GARIN2: variants seen among roughly 807,000 people sequenced by gnomAD.
GARIN2 encodes the protein golgi associated RAB2 interactor family member 2.
At chr14:67,226,081 G>C in the GARIN2 span, among the ~76,000 whole-genome samples, 255 of 152,322 alleles carry the variant, frequency 1.7e-3, 2 homozygotes, top group Non-Finnish European at 2.7e-3. Flanking sequence ...CATCTTGGCA[G>C]GGCCTTGCTG....
chr14:67,221,382 T>C, the GARIN2 span, among the ~76,000 whole-genome samples: 22,558 of 152,112 alleles, frequency 0.15, 3,136 homozygotes, highest in East Asian at 0.42. Flanking sequence ...AAACCCTATA[T>C]TCCCAACATA....
chr14:67,208,905 A>G, the GARIN2 span, among the ~76,000 whole-genome samples: 1 of 151,940 alleles, frequency 6.6e-6, no homozygotes, highest in Non-Finnish European at 1.5e-5. Context: ...TCAAAAAAAA[A>G]AAAAGAAAAG....
the GARIN2 span, among the ~76,000 whole-genome samples, chr14:67,218,807 C>T: frequency 1.8e-4 from 28 of 152,098 alleles, no homozygotes; most frequent in Middle Eastern, 3.4e-3. Context: ...GTGTATGCAG[C>T]AGTTTGGCTG....
chr14:67,200,446 C>T, the GARIN2 span: 1 of 447,492 alleles, frequency 2.2e-6, no homozygotes, highest in Non-Finnish European at 4.0e-6. Context: ...ACCCCCACCC[C>T]ATTCCCCTTT....
At chr14:67,194,526 G>A in the GARIN2 span, among the ~76,000 whole-genome samples, 2 of 151,810 alleles carry the variant, frequency 1.3e-5, no homozygotes, top group Non-Finnish European at 1.5e-5. Flanking sequence ...TTTCCCCCAA[G>A]ACAGAGTTTT....
chr14:67,200,017 G>T, the GARIN2 span: 1 of 964,998 alleles, frequency 1.0e-6, no homozygotes. Context: ...TCATGGTTTA[G>T]GACATCCCCA....
the GARIN2 span, among the ~76,000 whole-genome samples, chr14:67,196,591 A>G: frequency 1.3e-5 from 2 of 152,206 alleles, no homozygotes; most frequent in African/African-American, 4.8e-5. Context: ...AGCACACTTT[A>G]AACAGCAATT....
chr14:67,203,423 C>CA, the GARIN2 span: 1 of 685,084 alleles, frequency 1.5e-6, no homozygotes, highest in South Asian at 2.6e-5. Flanking sequence ...CTGCAAATGA[C>CA]AAAGAGGAGC....
chr14:67,225,685 G>A, the GARIN2 span, among the ~76,000 whole-genome samples: 3 of 152,120 alleles, frequency 2.0e-5, no homozygotes, highest in Non-Finnish European at 4.4e-5. Flanking sequence ...CAGTTATGTA[G>A]CTTGTACACA....
At chr14:67,224,952 A>C in the GARIN2 span, 1 of 587,150 alleles carries the variant, frequency 1.7e-6, no homozygotes. Context: ...GAATAAATAC[A>C]TTTTTGATGA....
At chr14:67,225,926 A>AGTGTGTGTGTGTGTGTGTGTGTGTGTGT in the GARIN2 span, among the ~76,000 whole-genome samples, 1 of 136,630 alleles carries the variant, frequency 7.3e-6, no homozygotes, top group Non-Finnish European at 1.6e-5. Context: ...TAATGCTGTG[A>AGTGTGTGTGTGTGTGTGTGTGTGTGTGT]GTGTGTGTGT....
At chr14:67,215,388 C>G in the GARIN2 span, among the ~76,000 whole-genome samples, 2 of 148,996 alleles carry the variant, frequency 1.3e-5, no homozygotes, top group South Asian at 4.3e-4. Context: ...AAATTTCTCC[C>G]CAGAACACTG....
the GARIN2 span, chr14:67,205,125 C>T: frequency 3.3e-6 from 5 of 1,514,120 alleles, no homozygotes; most frequent in South Asian, 1.3e-5. Flanking sequence ...CTTTAATAAT[C>T]GAGAACTAGA....
At chr14:67,222,284 T>C in the GARIN2 span, among the ~76,000 whole-genome samples, 1 of 152,140 alleles carries the variant, frequency 6.6e-6, no homozygotes, top group East Asian at 1.9e-4. Context: ...TTTAATGTTT[T>C]TGTTTGTTTG....
the GARIN2 span, among the ~76,000 whole-genome samples, chr14:67,206,446 A>G: frequency 2.0e-5 from 3 of 152,138 alleles, no homozygotes; most frequent in Non-Finnish European, 2.9e-5. Context: ...CAGTGAGCCA[A>G]GATTGTGCCA....
the GARIN2 span, among the ~76,000 whole-genome samples, chr14:67,200,932 C>G: frequency 1.3e-5 from 2 of 152,168 alleles, no homozygotes; most frequent in South Asian, 2.1e-4. Flanking sequence ...GATGCACAAC[C>G]CCACCTGGTT....
At chr14:67,189,611 AAGG>A in the GARIN2 span, 3 of 152,146 alleles carry the variant, frequency 2.0e-5, no homozygotes, top group Non-Finnish European at 4.4e-5. Flanking sequence ...TTTGAAACTG[AAGG>A]AGAAGGAAAT....
the GARIN2 span, chr14:67,208,110 GAA>G: frequency 6.5e-7 from 1 of 1,532,988 alleles, no homozygotes; most frequent in South Asian, 1.3e-5. Context: ...GACGATGAAT[GAA>G]ATGGTGCCTG....
At chr14:67,198,246 C>G in the GARIN2 span, 1 of 1,613,902 alleles carries the variant, frequency 6.2e-7, no homozygotes, top group Non-Finnish European at 8.5e-7. Flanking sequence ...TCCGAGAGAT[C>G]TTCAAAATAT....
Sources: allele counts gnomAD v4.1 joint callset (sites outside exome capture counted in the v4.1 genomes callset), GRCh38; gene constraint gnomAD v4.1.1; transcripts MANE v1.5; gene names NCBI Gene and HGNC (gene_info 2026-07-23, HGNC 2026-07-21).